Variants in UBE2J2 observed in about 807,000 individuals in gnomAD.
UBE2J2 encodes the protein ubiquitin-conjugating enzyme E2 J2.
In UBE2J2, 5 loss-of-function variants were observed where a neutral mutation model predicts 28.6. That is an observed-to-expected ratio of 0.17 (90% CI 0.09 to 0.37). The LOEUF is 0.37. UBE2J2 is among the 10% of genes least tolerant of loss of function. The probability of loss-of-function intolerance (pLI) is 1.00; values close to 1 mark genes in which losing one functional copy is unlikely to be tolerated. For synonymous variants in UBE2J2, 138 were observed against 139.7 expected (o/e 0.99, Z 0.09); for missense variants, 226 against 338.9 (o/e 0.67, Z 2.62).
At chr1:1,273,229 A>G (rs1428908303) in intron 1 of UBE2J2, 1 of 152,022 alleles carries the variant, frequency 6.6e-6, no homozygotes, top group East Asian at 1.9e-4. Flanking sequence ...GGTTTCCCAG[A>G]AACGCTGGCC....
At chr1:1,256,000 T>C in intron 6 of UBE2J2, 45 bp downstream of exon 6, 1 of 1,315,048 alleles carries the variant, frequency 7.6e-7, no homozygotes, top group Non-Finnish European at 1.1e-6. Context: ...GAAACTCAAG[T>C]GTTTTAACGC....
chr1:1,256,551 C>T (rs1166814800), intron 5 of UBE2J2, among the ~76,000 whole-genome samples: 1 of 152,206 alleles, frequency 6.6e-6, no homozygotes, highest in Non-Finnish European at 1.5e-5. Flanking sequence ...GTGCCTGGGA[C>T]AAGGTGGGAA....
chr1:1,262,681 C>T (rs1033365800), intron 3 of UBE2J2, among the ~76,000 whole-genome samples: 2 of 152,020 alleles, frequency 1.3e-5, no homozygotes, highest in Non-Finnish European at 2.9e-5. Flanking sequence ...ACAGTATTCA[C>T]GGGCACACTG....
In UBE2J2 at chr1:1,254,763, C is replaced by T. The variant is rs186292390; in HGVS notation, c.*440G>A. 9.1e-4 allele frequency: 149 copies of T among 163,714 alleles called. 1 individual carries two copies. The highest frequency in any genetic ancestry group is 3.3e-3 in the African/African-American group (138 of 41,842). 10.1% of individuals were successfully genotyped at this position (163,714 alleles called of 1,614,324 possible). On this transcript the variant is annotated 3_prime_UTR_variant, in exon 7 of 7. Transcript: ENST00000349431. ...GCCAGGCCAGACCAGCACCCGCGGA[C>T]GCCAGCTCCACCCCTGGGCCCCGAG... is the stretch of plus-strand genomic sequence containing the variant.
intron 3 of UBE2J2, among the ~76,000 whole-genome samples, chr1:1,259,424 T>C (rs11804831): frequency 0.45 from 67,978 of 152,280 alleles, 22,058 homozygotes; most frequent in East Asian, 0.99. Flanking sequence ...TGTCCTCCCT[T>C]GGGCTCCCTG....
rs1423855087 is a variant in UBE2J2 at position 1,256,085 on chromosome 1, T to C, written c.455A>G (p.Lys152Arg). 26 of 1,613,762 alleles carry C rather than the reference T, an allele frequency of 1.6e-5. No homozygotes were observed. The highest frequency in any genetic ancestry group is 2.2e-5 in the Non-Finnish European group (26 of 1,179,812). Residue 152 changes from lysine (K) to arginine (R), a missense_variant, in exon 6 of 7, where the codon AAA becomes AGA. Coordinates refer to ENST00000349431, the MANE Select transcript of UBE2J2 (RefSeq NM_058167.3). ...AAATAATTCACAAAAGACTTTATCT[T>C]TCAAATTAAATGCTAAACTCTGCAC... ...LAVQSLAFNL[K>R]DKVFCELFPE... is the part of the protein sequence containing the mutation.
chr1:1,259,199 A>ATG (rs778800358), intron 3 of UBE2J2, among the ~76,000 whole-genome samples: 1 of 141,058 alleles, frequency 7.1e-6, no homozygotes. Context: ...ACTTGTGTGC[A>ATG]TGTGTGTGTG....
At chr1:1,255,567 A>C (rs990741892) in intron 6 of UBE2J2, 80 bp from the exon 7 acceptor site, 5 of 1,462,044 alleles carry the variant, frequency 3.4e-6, no homozygotes, top group Non-Finnish European at 4.6e-6. Context: ...TCAGGAGTCC[A>C]CGGTCCACCA....
intron 2 of UBE2J2, chr1:1,266,184 G>C (rs1410512199): frequency 3.1e-6 from 4 of 1,292,976 alleles, no homozygotes; most frequent in African/African-American, 1.5e-5. Context: ...GCCTCACCCT[G>C]GGTATCCTCC....
chr1:1,262,099 C>T (rs1282155386), intron 3 of UBE2J2: 11 of 312,654 alleles, frequency 3.5e-5, no homozygotes, highest in Non-Finnish European at 5.7e-5. Context: ...TCAGATGATC[C>T]GCCCACCTCA....
rs1165232411 is a variant in UBE2J2, at chr1:1,255,407, G to A, written c.576C>T (p.Asp192=). 27 of 1,613,792 alleles carry A rather than the reference G, an allele frequency of 1.7e-5. No homozygotes were observed. The highest frequency in any genetic ancestry group is 3.3e-5 in the Admixed American group (2 of 60,014). The change falls in exon 7 of 7, where the codon GAC becomes GAT. Residue 192 remains aspartate, a synonymous_variant. Transcript: ENST00000349431. ...QTLPLPDVVP[D]GETHLVQNGI... ...CGTTCTGGACGAGGTGCGTCTCCCC[G>A]TCTGGAACCACGTCTGGCAAGGGGA...
intron 3 of UBE2J2, among the ~76,000 whole-genome samples, chr1:1,262,646 G>C (rs1235126781): frequency 3.3e-5 from 5 of 152,222 alleles, no homozygotes; most frequent in Non-Finnish European, 7.3e-5. Flanking sequence ...ACCTGGCCCT[G>C]CTCTGCCTTG....
intron 3 of UBE2J2, chr1:1,263,129 C>G (rs1326173003): frequency 7.4e-6 from 4 of 543,020 alleles, no homozygotes; most frequent in Admixed American, 3.0e-5. Flanking sequence ...TGAACACAGA[C>G]GCTACAGGCG....
At chr1:1,267,737 G>A (rs190488705) in intron 2 of UBE2J2, 125 bp downstream of exon 2, 159 of 1,536,086 alleles carry the variant, frequency 1.0e-4, no homozygotes, top group Non-Finnish European at 1.2e-4. Context: ...ACTCACCCCG[G>A]GGGAGGGTGC....
chr1:1,263,079 C>T (rs1639655200), intron 3 of UBE2J2: 4 of 424,534 alleles, frequency 9.4e-6, no homozygotes, highest in Non-Finnish European at 1.7e-5. Flanking sequence ...TTACCCCGGT[C>T]TGGTTTTCTC....
At chr1:1,261,880 C>T (rs1001889299) in intron 3 of UBE2J2, among the ~76,000 whole-genome samples, 2 of 147,406 alleles carry the variant, frequency 1.4e-5, no homozygotes, top group African/African-American at 2.6e-5. Flanking sequence ...GATCTCCTGA[C>T]GAGTTTCACT....
intron 3 of UBE2J2, among the ~76,000 whole-genome samples, chr1:1,258,224 G>C (rs1430992360): frequency 6.6e-6 from 1 of 151,486 alleles, no homozygotes; most frequent in East Asian, 1.9e-4. Flanking sequence ...TTTAATTTTA[G>C]TAGAGACGGG....
chr1:1,269,152 G>A (rs1197378913), intron 1 of UBE2J2, among the ~76,000 whole-genome samples: 20 of 151,282 alleles, frequency 1.3e-4, no homozygotes, highest in South Asian at 8.3e-4. Context: ...AGCCACACCC[G>A]AGACTGGGGA....
chr1:1,272,355 C>T (rs1258507625), intron 1 of UBE2J2, among the ~76,000 whole-genome samples: 1 of 152,208 alleles, frequency 6.6e-6, no homozygotes, highest in Non-Finnish European at 1.5e-5. Context: ...GCGTGAATCA[C>T]CGAGGGCAGC....
Sources: allele counts gnomAD v4.1 joint callset (sites outside exome capture counted in the v4.1 genomes callset), GRCh38; gene constraint gnomAD v4.1.1; transcripts MANE v1.5; gene names NCBI Gene and HGNC (gene_info 2026-07-23, HGNC 2026-07-21).